The following BFAR variants were observed in gnomAD, a reference collection of about 807,000 sequenced individuals.
BFAR encodes the protein bifunctional apoptosis regulator, also known as RING finger protein 47.
In BFAR, 52 loss-of-function variants were observed where a neutral mutation model predicts 54.4. That is an observed-to-expected ratio of 0.96 (90% confidence interval 0.77 to 1.21). The LOEUF is 1.21. Among genes scored for constraint, BFAR ranks in the 50% most tolerant of loss-of-function variants. BFAR has a pLI of 0.00. For missense variants in BFAR, 571 were observed against 534.0 expected (o/e 1.07, Z -0.68); for synonymous variants, 215 against 204.3 (o/e 1.05, Z -0.45).
intron 6 of BFAR, among the ~76,000 whole-genome samples, chr16:14,663,334 T>C (rs1435592125): frequency 6.6e-6 from 1 of 151,280 alleles, no homozygotes; most frequent in African/African-American, 2.4e-5. Context: ...TTCATCAGGC[T>C]AATTTTTTTT....
At chr16:14,667,574 G>C (rs1233694760) in intron 7 of BFAR, 61 bp from the exon 8 acceptor site, 3 of 1,480,376 alleles carry the variant, frequency 2.0e-6, no homozygotes, top group African/African-American at 2.8e-5. Context: ...CCCAGGGCCC[G>C]GACTCCTGGG....
Position 14,667,906 on chromosome 16 carries a change from C to G in BFAR, c.*79C>G. On this transcript the variant is annotated 3_prime_UTR_variant, in exon 8 of 8. Transcript: ENST00000261658. The stretch of plus-strand genomic sequence containing the variant: ...TGCTTAAGAGGGGTGAGGCAGGGAG[C>G]GGACTTCCTATTTTCTACCCTCAGT... 1 of 1,421,822 alleles carries G rather than the reference C, an allele frequency of 7.0e-7. No homozygotes were observed. The highest frequency in any genetic ancestry group is 9.7e-7 in the Non-Finnish European group (1 of 1,028,196). 88.1% of individuals were successfully genotyped at this position (1,421,822 alleles called of 1,614,324 possible).
At chr16:14,650,163 A>C in intron 4 of BFAR, 190 bp downstream of exon 4, 2 of 485,986 alleles carry the variant, frequency 4.1e-6, no homozygotes, top group Non-Finnish European at 3.4e-6. Context: ...CTCTACTAAA[A>C]ATACAAAAAA....
intron 2 of BFAR, 43 bp downstream of exon 2, chr16:14,644,652 T>C: frequency 2.5e-6 from 4 of 1,572,250 alleles, no homozygotes; most frequent in East Asian, 2.2e-5. Flanking sequence ...GCCCATAAAA[T>C]GTGGTTTCTC....
chr16:14,643,305 G>C (rs928747500), intron 1 of BFAR, among the ~76,000 whole-genome samples: 40 of 149,876 alleles, frequency 2.7e-4, no homozygotes, highest in Admixed American at 1.2e-3. Context: ...GTGAGACTTC[G>C]TCTCAAAAAA....
At chr16:14,651,214 C>G (rs576288880) in intron 4 of BFAR, among the ~76,000 whole-genome samples, 1 of 152,318 alleles carries the variant, frequency 6.6e-6, no homozygotes, top group East Asian at 1.9e-4. Context: ...GAATTTCTGA[C>G]CCACCAGCTT....
intron 7 of BFAR, among the ~76,000 whole-genome samples, chr16:14,666,664 T>A (rs1596998220): frequency 6.6e-6 from 1 of 152,208 alleles, no homozygotes; most frequent in East Asian, 1.9e-4. Context: ...CTTGACATTC[T>A]GACTCGCAGC....
chr16:14,660,227 T>C (rs1960251889), intron 5 of BFAR, among the ~76,000 whole-genome samples: 2 of 152,186 alleles, frequency 1.3e-5, no homozygotes, highest in African/African-American at 4.8e-5. Flanking sequence ...TTTGCCATCC[T>C]TATATCTTCT....
At chr16:14,665,293 C>A in intron 7 of BFAR, 24 of 492,318 alleles carry the variant, frequency 4.9e-5, no homozygotes, top group Non-Finnish European at 6.2e-5. Flanking sequence ...TCCTATATGT[C>A]TTATCTCTAT....
In BFAR at chr16:14,655,139, G is replaced by C; in HGVS notation, c.712G>C (p.Ala238Pro). 3.1e-6 allele frequency: 5 copies of C among 1,612,144 alleles called. No individual in the cohort carries two copies. Among genetic ancestry groups the C allele is most frequent in the South Asian group, 1.1e-5 (1 of 90,812 alleles). ...YTIENSSHRR[A>P]ILMELERVKA... ...CATAGAAAACAGCAGCCACAGGAGA[G>C]CCATCCTCATGGAGCTAGAACGTGT... The change falls in exon 5 of 8, where the codon GCC becomes CCC. Residue 238 changes from alanine to proline, a missense_variant. Ala to Pro is a conservative substitution (Grantham distance 27, BLOSUM62 -1). Transcript: ENST00000261658.
intron 5 of BFAR, among the ~76,000 whole-genome samples, 176 bp downstream of exon 5, chr16:14,655,386 A>G (rs1445494684): frequency 6.6e-6 from 1 of 151,448 alleles, no homozygotes; most frequent in Non-Finnish European, 1.5e-5. Context: ...CAATGGCGCA[A>G]TCTCAGCTCA....
intron 1 of BFAR, among the ~76,000 whole-genome samples, chr16:14,636,465 A>G (rs745775308): frequency 3.9e-5 from 6 of 152,254 alleles, no homozygotes; most frequent in Non-Finnish European, 7.3e-5. Context: ...ATGCATACAC[A>G]TAAACATCTC....
chr16:14,639,650 C>T (rs1023850576), intron 1 of BFAR, among the ~76,000 whole-genome samples: 21 of 152,296 alleles, frequency 1.4e-4, no homozygotes, highest in African/African-American at 5.1e-4. Flanking sequence ...TTACATGCAT[C>T]ATTGGGAGAT....
At chr16:14,660,897 T>C (rs1286557053) in intron 5 of BFAR, among the ~76,000 whole-genome samples, 1 of 151,602 alleles carries the variant, frequency 6.6e-6, no homozygotes, top group African/African-American at 2.4e-5. Flanking sequence ...CAAGACTCTG[T>C]CTCAAAAAAA....
intron 1 of BFAR, among the ~76,000 whole-genome samples, chr16:14,635,734 G>A (rs1438193493): frequency 1.3e-5 from 2 of 151,612 alleles, no homozygotes; most frequent in African/African-American, 2.4e-5. Context: ...GTTTTATACA[G>A]TAAGTGACTG....
intron 4 of BFAR, among the ~76,000 whole-genome samples, chr16:14,652,526 C>T (rs1317530056): frequency 6.6e-6 from 1 of 151,766 alleles, no homozygotes; most frequent in Non-Finnish European, 1.5e-5. Flanking sequence ...GGTGATCCAC[C>T]CACCTCGGCC....
chr16:14,638,220 AAAAAAAATTTTAATTAGCTG>A (rs1387701539), intron 1 of BFAR, among the ~76,000 whole-genome samples: 1 of 152,042 alleles, frequency 6.6e-6, no homozygotes, highest in Non-Finnish European at 1.5e-5. Context: ...CTGTCTATAC[AAAAAAAATTTTAATTAGCTG>A]GGTGTGGTGG....
intron 3 of BFAR, among the ~76,000 whole-genome samples, chr16:14,648,857 T>C (rs190712864): frequency 1.3e-5 from 2 of 152,118 alleles, no homozygotes; most frequent in African/African-American, 4.8e-5. Context: ...AATACAATCT[T>C]TTTTTGTTTT....
At position 14,662,081 on chromosome 16, in the gene BFAR, G is replaced by A. The variant is rs1246890112; in HGVS notation, c.957+16G>A. 1 of 1,613,562 alleles carries A rather than the reference G, an allele frequency of 6.2e-7. No homozygotes were observed. Among genetic ancestry groups the A allele is most frequent in the Non-Finnish European group, 8.5e-7 (1 of 1,179,570 alleles). On this transcript the variant is annotated intron_variant, in intron 6 of 7. Coordinates refer to ENST00000261658, the MANE Select transcript of BFAR (RefSeq NM_016561.3). ...CAAGCTTCTGGTAGGTCTGCACAGT[G>A]CCTGGAATAAAGTTATTCCACTGTC...
Sources: allele counts gnomAD v4.1 joint callset (sites outside exome capture counted in the v4.1 genomes callset), GRCh38; gene constraint gnomAD v4.1.1; transcripts MANE v1.5; gene names NCBI Gene and HGNC (gene_info 2026-07-23, HGNC 2026-07-21).